The following G3BP2 variants were observed in gnomAD, a reference collection of about 807,000 sequenced individuals.
The protein encoded by G3BP2 is ras GTPase-activating protein-binding protein 2.
G3BP2 carries 11 observed loss-of-function variants against 56.7 expected under a neutral mutation model. That is an observed-to-expected ratio of 0.19 (90% CI 0.12 to 0.32). The LOEUF (loss-of-function observed/expected upper bound fraction) is 0.32. Among genes scored for constraint, G3BP2 ranks in the 10% least tolerant of loss-of-function variants. The probability of loss-of-function intolerance (pLI) is 1.00; values close to 1 mark genes in which losing one functional copy is unlikely to be tolerated. For synonymous variants in G3BP2, 165 were observed against 191.6 expected (o/e 0.86, Z 1.15); for missense variants, 340 against 610.9 (o/e 0.56, Z 4.67).
chr4:75,649,812 C>T (rs1731532241), intron 8 of G3BP2, among the ~76,000 whole-genome samples: 2 of 152,094 alleles, frequency 1.3e-5, no homozygotes, highest in African/African-American at 2.4e-5. Context: ...GAGTTTGAGA[C>T]CAGCCTGCCC....
At chr4:75,694,848 G>A (rs990070632) in intron 3 of G3BP2, 1 of 985,516 alleles carries the variant, frequency 1.0e-6, no homozygotes, top group African/African-American at 1.7e-5. Context: ...ATGGGCTAAA[G>A]ACTGCGACAT....
At chr4:75,653,704 G>T (rs1458277477) in intron 8 of G3BP2, among the ~76,000 whole-genome samples, 1 of 151,402 alleles carries the variant, frequency 6.6e-6, no homozygotes, top group African/African-American at 2.4e-5. Flanking sequence ...TTTGAAAAAG[G>T]AACATTCTTT....
At chr4:75,711,097 A>G (rs947765776) in intron 3 of G3BP2, among the ~76,000 whole-genome samples, 2 of 152,238 alleles carry the variant, frequency 1.3e-5, no homozygotes, top group South Asian at 4.1e-4. Flanking sequence ...AGACGGACAG[A>G]TCACCTGAGG....
At position 75,684,042 on chromosome 4, in the gene G3BP2, TAAG is replaced by T. The variant is rs147820871; in HGVS notation, c.-24-21996_-24-21994del. ...TTTCAATGAGTAATTCAAGGAATAA[TAAG>T]AAGGTTATTATTCCTTGGGTGCCAG... is the stretch of plus-strand genomic sequence containing the variant. On this transcript the variant is annotated intron_variant, in intron 3 of 3. Coordinates refer to the G3BP2 transcript ENST00000499709. 3.4e-3 allele frequency among the ~76,000 whole-genome samples: 517 copies of T among 152,138 alleles called. 6 individuals are homozygous for T. The highest frequency in any genetic ancestry group is 0.012 in the African/African-American group (489 of 41,498).
chr4:75,711,066 T>C (rs1037990045), intron 3 of G3BP2, among the ~76,000 whole-genome samples: 7 of 152,162 alleles, frequency 4.6e-5, no homozygotes, highest in Admixed American at 4.6e-4. Context: ...ACGCCTGTAA[T>C]CCTAACACTT....
In G3BP2 at chr4:75,658,832, T is replaced by A. The variant is rs757480238; in HGVS notation, c.177+11A>T. On this transcript the variant is annotated intron_variant, in intron 3 of 11. Transcript: ENST00000359707. The stretch of plus-strand genomic sequence containing the variant: ...CAAAATTTCTAAACTACATATGAAA[T>A]TGATACTTACATTTTGGCCATAAAC... The A allele has an allele frequency of 2.0e-6, 3 of 1,538,290 alleles. No individual in the cohort carries two copies. The African/African-American group carries it at 4.1e-5, about 21-fold the overall frequency.
At chr4:75,685,458 G>A (rs369393136) in intron 3 of G3BP2, among the ~76,000 whole-genome samples, 2 of 146,010 alleles carry the variant, frequency 1.4e-5, no homozygotes, top group Non-Finnish European at 3.0e-5. Flanking sequence ...CCGAGATCGC[G>A]TCACTGCACT....
In G3BP2 at chr4:75,655,259, A is replaced by T; in HGVS notation, c.546-13T>A. On this transcript the variant is annotated splice_polypyrimidine_tract_variant and intron_variant, in intron 6 of 11. Coordinates refer to ENST00000359707, the MANE Select transcript of G3BP2 (RefSeq NM_203505.3). ...CTCTATGCCATTACTACAATAAAAT[A>T]TTTAGTTCACTTTTTAGTAGGAGTT... 6.3e-7 allele frequency: 1 copy of T among 1,583,144 alleles called. No individual in the cohort carries two copies. The highest frequency in any genetic ancestry group is 8.6e-7 in the Non-Finnish European group (1 of 1,159,102).
chr4:75,719,012 G>A (rs926570063), intron 3 of G3BP2, among the ~76,000 whole-genome samples: 4 of 152,172 alleles, frequency 2.6e-5, no homozygotes, highest in Non-Finnish European at 5.9e-5. Context: ...GAGCTAGTAG[G>A]GCTGGAGTTG....
intron 1 of G3BP2, among the ~76,000 whole-genome samples, chr4:75,664,305 G>A (rs771544122): frequency 3.9e-5 from 6 of 152,070 alleles, no homozygotes; most frequent in South Asian, 2.1e-4. Flanking sequence ...AGCCAGGTGC[G>A]GTGGCTGACG....
intron 3 of G3BP2, among the ~76,000 whole-genome samples, chr4:75,698,680 G>A (rs1719218640): frequency 6.6e-6 from 1 of 151,994 alleles, no homozygotes; most frequent in Admixed American, 6.6e-5. Context: ...ACATACTTAC[G>A]AAGGGGTCAT....
rs1383556633 is a variant in G3BP2 at position 75,655,239 on chromosome 4, T to A, written c.553A>T (p.Ile185Leu). The A allele has an allele frequency of 6.2e-7, 1 of 1,604,144 alleles. No homozygotes were observed. Among genetic ancestry groups the A allele is most frequent in the East Asian group, 2.2e-5 (1 of 44,846 alleles). ...YYEAHPVTNG[I>L]EEPLEESSHE... Reference sequence around the variant, plus strand: ...GAGGATTCTTCCAAAGGCTCCTCTATGCCATTACTACAATAAAATATTTAG... The same window carrying A: ...GAGGATTCTTCCAAAGGCTCCTCTAAGCCATTACTACAATAAAATATTTAG... The change falls in exon 7 of 12, where the codon ATA (isoleucine) becomes TTA (leucine). Residue 185 changes from isoleucine (I) to leucine (L), a missense_variant. Around this residue, in one of 4 missense-constraint regions of G3BP2, gnomAD observed 224 missense variants for 332.5 expected, o/e 0.67. Transcript: ENST00000359707.
intron 1 of G3BP2, among the ~76,000 whole-genome samples, chr4:75,665,753 A>G (rs1356809610): frequency 6.6e-6 from 1 of 152,190 alleles, no homozygotes; most frequent in Non-Finnish European, 1.5e-5. Flanking sequence ...TACCTGGTAA[A>G]ATTTAACAAG....
chr4:75,667,155 A>G (rs1733104569), intron 1 of G3BP2, among the ~76,000 whole-genome samples: 3 of 151,996 alleles, frequency 2.0e-5, no homozygotes, highest in Admixed American at 6.6e-5. Flanking sequence ...GGGGCGTGGT[A>G]GTGTGCAAGC....
At chr4:75,691,781 G>C (rs1718868064) in intron 3 of G3BP2, among the ~76,000 whole-genome samples, 2 of 152,068 alleles carry the variant, frequency 1.3e-5, no homozygotes, top group Admixed American at 6.6e-5. Flanking sequence ...TGCAATATAG[G>C]TATACAAATT....
chr4:75,697,753 G>C (rs1719182836), intron 3 of G3BP2, among the ~76,000 whole-genome samples: 1 of 152,094 alleles, frequency 6.6e-6, no homozygotes, highest in Non-Finnish European at 1.5e-5. Context: ...GGCCAACATG[G>C]CAAAACCCAA....
intron 10 of G3BP2, among the ~76,000 whole-genome samples, 162 bp downstream of exon 10, chr4:75,646,867 A>T (rs6822569): frequency 0.38 from 58,496 of 152,022 alleles, 12,027 homozygotes; most frequent in African/African-American, 0.5. Flanking sequence ...AACATGTGAG[A>T]TAAGTCATCT....
At chr4:75,716,945 C>G (rs1359392703) in intron 3 of G3BP2, among the ~76,000 whole-genome samples, 1 of 152,190 alleles carries the variant, frequency 6.6e-6, no homozygotes, top group Non-Finnish European at 1.5e-5. Flanking sequence ...TTCTCATCTT[C>G]CATCCCTCTG....
At chr4:75,723,526 G>T (rs1005757747) in intron 1 of G3BP2, among the ~76,000 whole-genome samples, 3 of 152,226 alleles carry the variant, frequency 2.0e-5, no homozygotes, top group Non-Finnish European at 4.4e-5. Flanking sequence ...AAATAGAAAT[G>T]ATAGGACATG....
Sources: allele counts gnomAD v4.1 joint callset (sites outside exome capture counted in the v4.1 genomes callset), GRCh38; gene constraint gnomAD v4.1.1; regional missense constraint gnomAD v4.1.1; transcripts MANE v1.5; gene names NCBI Gene and HGNC (gene_info 2026-07-23, HGNC 2026-07-21).